The following OVOL2 variants were observed in gnomAD, a reference collection of about 807,000 sequenced individuals.
OVOL2 encodes the protein ovo like zinc finger 2.
OVOL2 carries 13 observed loss-of-function variants against 18.1 expected under a neutral mutation model. The ratio of observed to expected loss-of-function variants is 0.72; its 90% CI spans 0.47 to 1.14. The LOEUF is 1.14. Among genes scored for constraint, OVOL2 ranks in the 50% most tolerant of loss-of-function variants. The pLI, the probability that OVOL2 is intolerant of heterozygous loss-of-function variation, is 0.00. For missense variants in OVOL2, 335 were observed against 383.0 expected, an observed-to-expected ratio of 0.87 and a Z score of 1.05; for synonymous variants, 166 against 162.7, an observed-to-expected ratio of 1.02 and a Z score of -0.16.
In OVOL2 at chr20:18,024,716, G is replaced by GA. The variant is rs763951759; in HGVS notation, c.747_748insT (p.Leu250SerfsTer21). 1 of 1,614,158 alleles carries GA rather than the reference G, an allele frequency of 6.2e-7. No individual in the cohort carries two copies. Among genetic ancestry groups the GA allele is most frequent in the Non-Finnish European group, 8.5e-7 (1 of 1,180,028 alleles). ...AGCTTGCCCTGCAGAAGGGCTGCCAGTTTTTTAGATGTCTTTTTGAGAAAC... is the reference window on the plus strand; with the variant it reads ...AGCTTGCCCTGCAGAAGGGCTGCCAGATTTTTTAGATGTCTTTTTGAGAAAC... On this transcript the variant is annotated frameshift_variant, in exon 4 of 4. Coordinates refer to ENST00000278780, the MANE Select transcript of OVOL2 (RefSeq NM_021220.4). LOFTEE classifies it low-confidence loss of function (END_TRUNC).
chr20:18,041,718 G>T lies in OVOL2; in HGVS notation c.327C>A (p.Thr109=), dbSNP rs6111803. ...CCACCGAGTCGCTGCACGTGCCTGT[G>T]GTGAACTGGGGGCAGAGAGAGGCCA... is the stretch of plus-strand genomic sequence containing the variant. ...RPVARSKIKF[T]TGTCSDSVVH... is the part of the protein sequence containing the mutation. Residue 109 remains threonine, a synonymous_variant, in exon 3 of 4, where the codon ACC becomes ACA. Transcript: ENST00000278780. The T allele has an allele frequency of 0.064, 103,060 of 1,610,476 alleles. 3,816 individuals are homozygous for T. The highest frequency in any genetic ancestry group is 0.074 in the Non-Finnish European group (86,795 of 1,177,766).
At chr20:18,042,797 G>C (rs1389607974) in intron 2 of OVOL2, among the ~76,000 whole-genome samples, 1 of 130,548 alleles carries the variant, frequency 7.7e-6, no homozygotes, top group Non-Finnish European at 1.6e-5. Flanking sequence ...AAAAAAAAGA[G>C]CCCGGCACTT....
chr20:18,058,108 TC>T (rs1204127950), upstream of OVOL2, among the ~76,000 whole-genome samples: 1 of 151,744 alleles, frequency 6.6e-6, no homozygotes, highest in Non-Finnish European at 1.5e-5. Flanking sequence ...CCCGCCCCAT[TC>T]CCCCATCACC....
chr20:18,058,949 C>G (rs2036854715), upstream of OVOL2: 1 of 152,274 alleles, frequency 6.6e-6, no homozygotes, highest in African/African-American at 2.4e-5. Context: ...ACAACCGGCA[C>G]AGCCTCTTGT....
chr20:18,034,969 C>T (rs6045154), intron 3 of OVOL2, among the ~76,000 whole-genome samples: 2 of 152,086 alleles, frequency 1.3e-5, no homozygotes, highest in African/African-American at 2.4e-5. Context: ...AAAGGGTCCT[C>T]GGCCCTGGGT....
chr20:18,028,854 A>G (rs1276612522), intron 3 of OVOL2, among the ~76,000 whole-genome samples: 3 of 152,126 alleles, frequency 2.0e-5, no homozygotes, highest in Non-Finnish European at 4.4e-5. Context: ...ATAGTTGTTT[A>G]AATTTAAAAG....
upstream of OVOL2, chr20:18,058,826 G>A (rs2036853850): frequency 6.6e-6 from 1 of 152,372 alleles, no homozygotes; most frequent in East Asian, 1.9e-4. Context: ...TGCCTGGAGG[G>A]GAGAGGGAGA....
In OVOL2 at chr20:18,057,845, CT is replaced by C; in HGVS notation, c.-212del. ...CCTCCCGGCTCGGCGACACCTATGC[CT>C]TAAATCGCGAGTGAGACCACGCCGG... On this transcript the variant is annotated 5_prime_UTR_variant, in exon 1 of 4. The change abolishes the stop of an existing upstream ORF in the 5' untranslated region. Coordinates refer to ENST00000278780, the MANE Select transcript of OVOL2 (RefSeq NM_021220.4). The surrounding 1 kb of genome is among the most constrained non-coding windows in gnomAD (Gnocchi z 6.3). 1 of 1,353,928 alleles carries C rather than the reference CT, an allele frequency of 7.4e-7. No individual in the cohort carries two copies. The highest frequency in any genetic ancestry group is 9.4e-7 in the Non-Finnish European group (1 of 1,060,460). 83.9% of individuals were successfully genotyped at this position (1,353,928 alleles called of 1,614,324 possible).
At chr20:18,054,853 A>G (rs2036804850) in intron 2 of OVOL2, among the ~76,000 whole-genome samples, 1 of 152,174 alleles carries the variant, frequency 6.6e-6, no homozygotes, top group Admixed American at 6.5e-5. Context: ...CCTTGGAAAG[A>G]ACTTTATAAT....
At chr20:18,050,640 C>A (rs1249664532) in intron 2 of OVOL2, 1 of 152,178 alleles carries the variant, frequency 6.6e-6, no homozygotes, top group Non-Finnish European at 1.5e-5. Flanking sequence ...ATTAATTTAA[C>A]CTTCATCAAG....
chr20:18,051,538 C>A (rs1470330670), intron 2 of OVOL2, among the ~76,000 whole-genome samples: 1 of 152,108 alleles, frequency 6.6e-6, no homozygotes, highest in Non-Finnish European at 1.5e-5. Flanking sequence ...ATATTCAGTG[C>A]CTCTGATGAA....
intron 3 of OVOL2, among the ~76,000 whole-genome samples, chr20:18,026,429 T>G (rs898984125): frequency 2.7e-5 from 4 of 150,278 alleles, no homozygotes; most frequent in Non-Finnish European, 5.9e-5. Flanking sequence ...TCACCCAGGT[T>G]GGAGTGCAGT....
intron 3 of OVOL2, among the ~76,000 whole-genome samples, chr20:18,036,217 C>T (rs560046642): frequency 3.9e-5 from 6 of 152,140 alleles, no homozygotes; most frequent in Admixed American, 2.0e-4. Context: ...CACTTGAACC[C>T]GGGAGGCAGA....
rs2036844544 is a variant in OVOL2, at chr20:18,057,749, C to T, written c.-115G>A. 1.4e-6 allele frequency: 2 copies of T among 1,430,528 alleles called. No homozygotes were observed. Among genetic ancestry groups the T allele is most frequent in the Non-Finnish European group, 1.8e-6 (2 of 1,098,812 alleles). 88.6% of individuals were successfully genotyped at this position (1,430,528 alleles called of 1,614,324 possible). ...GGCCAGAGCCCACCTTCCCGCCTCG[C>T]CTGCCCTCTTCCTCCACCCCCCGCC... On this transcript the variant is annotated 5_prime_UTR_variant, in exon 1 of 4. Coordinates refer to ENST00000278780, the MANE Select transcript of OVOL2 (RefSeq NM_021220.4). This position sits in a 1 kb window ranked among gnomAD's most constrained non-coding sequence, Gnocchi z 6.3.
chr20:18,030,880 C>G (rs551367205), intron 3 of OVOL2, among the ~76,000 whole-genome samples: 2 of 152,336 alleles, frequency 1.3e-5, no homozygotes, highest in South Asian at 4.1e-4. Context: ...CGGGCACTGC[C>G]ATGCGGCAGC....
Position 18,057,015 on chromosome 20 carries a change from G to A in OVOL2, c.101-138C>T. ...TCGCCAAGTGGGCAACGTCGCGGGGGAGGCCAGTAAGCCCCGAATCGGCCC... is the reference window on the plus strand; with the variant it reads ...TCGCCAAGTGGGCAACGTCGCGGGGAAGGCCAGTAAGCCCCGAATCGGCCC... On this transcript the variant is annotated intron_variant, in intron 1 of 3. Transcript: ENST00000278780. The surrounding 1 kb of genome is among the most constrained non-coding windows in gnomAD (Gnocchi z 6.3). 2 of 1,015,882 alleles carry A rather than the reference G, an allele frequency of 2.0e-6. No individual in the cohort carries two copies. The highest frequency in any genetic ancestry group is 3.3e-5 in the East Asian group (1 of 30,430). The allele number at this position is 1,015,882 out of a possible 1,614,324, so 62.9% of individuals were successfully genotyped here. A position where few individuals can be genotyped will look rare whatever the true frequency, so the allele number is the denominator to read the frequency against.
intron 3 of OVOL2, among the ~76,000 whole-genome samples, chr20:18,033,047 G>C (rs6045151): frequency 6.6e-6 from 1 of 152,196 alleles, no homozygotes; most frequent in Admixed American, 6.5e-5. Context: ...ACAGCATTCA[G>C]GCCACTAGGG....
chr20:18,047,284 G>T (rs1210682095), intron 2 of OVOL2, among the ~76,000 whole-genome samples: 2 of 152,046 alleles, frequency 1.3e-5, no homozygotes, highest in East Asian at 3.9e-4. Context: ...AGGCCGAGGT[G>T]GGTGGATCAC....
intron 2 of OVOL2, among the ~76,000 whole-genome samples, chr20:18,055,106 A>G (rs985521294): frequency 6.6e-6 from 1 of 152,060 alleles, no homozygotes; most frequent in African/African-American, 2.4e-5. Flanking sequence ...CCCCCAGCAC[A>G]CAGGCAACTA....
Sources: gnomAD v4.1 joint callset for allele counts (sites outside exome capture counted in the v4.1 genomes callset) on GRCh38, gnomAD v4.1.1 for gene constraint, Gnocchi (gnomAD v3.1) non-coding constraint, MANE v1.5 for transcripts, NCBI Gene and HGNC (gene_info 2026-07-23, HGNC 2026-07-21) for gene names.